MID1: variants seen among roughly 807,000 people sequenced by gnomAD.
MID1 encodes the protein E3 ubiquitin-protein ligase Midline-1.
A neutral mutation model predicts 40.4 loss-of-function variants in MID1; 7 were observed. The observed-to-expected ratio is 0.17, with a 90% CI of 0.10 to 0.33. MID1 has a LOEUF of 0.33. MID1 is among the 10% of genes least tolerant of loss of function. The probability of loss-of-function intolerance (pLI) is 1.00; values close to 1 mark genes in which losing one functional copy is unlikely to be tolerated. For missense variants in MID1, 367 were observed against 558.5 expected (o/e 0.66, Z 3.46); for synonymous variants, 229 against 221.2 (o/e 1.04, Z -0.31).
At chrX:10,711,802 C>T (rs2043269653) in intron 1 of MID1, among the ~76,000 whole-genome samples, 1 of 112,011 alleles carries the variant, frequency 8.9e-6, no homozygotes, top group Admixed American at 9.5e-5. Flanking sequence ...ATTTTAGTGA[C>T]CTGTGAATGA....
At chrX:10,479,556 G>A (rs1462672977) in intron 5 of MID1, among the ~76,000 whole-genome samples, 2 of 110,169 alleles carry the variant, frequency 1.8e-5, no homozygotes, top group Non-Finnish European at 3.8e-5. Flanking sequence ...GAGTTCAATC[G>A]TTTTGATTTT....
At chrX:10,726,967 C>G (rs751110823) in intron 1 of MID1, among the ~76,000 whole-genome samples, 1 of 112,723 alleles carries the variant, frequency 8.9e-6, no homozygotes, top group Non-Finnish European at 1.9e-5. Flanking sequence ...GCAAATATTC[C>G]AAGACTACTT....
At chrX:10,459,092 G>A (rs1417273926) in intron 8 of MID1, among the ~76,000 whole-genome samples, 2 of 110,962 alleles carry the variant, frequency 1.8e-5, no homozygotes, top group Non-Finnish European at 3.8e-5. Flanking sequence ...CATCATCCCT[G>A]GCCTCTACTC....
intron 1 of MID1, among the ~76,000 whole-genome samples, chrX:10,599,697 C>T (rs188889149): frequency 3.6e-5 from 4 of 112,510 alleles, no homozygotes; most frequent in African/African-American, 1.3e-4. Flanking sequence ...TAAAGACCCA[C>T]ATAACAGAAA....
chrX:10,506,411 C>T, intron 3 of MID1: 1 of 934,426 alleles, frequency 1.1e-6, no homozygotes, highest in South Asian at 2.1e-5. Flanking sequence ...TAAAGTGTGA[C>T]TTACCAAGAC....
chrX:10,570,689 T>G (rs1934697224), intron 1 of MID1, among the ~76,000 whole-genome samples: 1 of 112,580 alleles, frequency 8.9e-6, no homozygotes, highest in Admixed American at 9.4e-5. Context: ...TAGTAGACAT[T>G]TTTGGCTTTG....
intron 3 of MID1, among the ~76,000 whole-genome samples, chrX:10,503,879 T>C (rs1352637775): frequency 1.8e-5 from 2 of 112,361 alleles, no homozygotes; most frequent in Non-Finnish European, 3.8e-5. Flanking sequence ...AAATTCTTTC[T>C]TATGAATGAA....
intron 1 of MID1, among the ~76,000 whole-genome samples, chrX:10,618,388 C>T (rs769788177): frequency 1.8e-5 from 2 of 111,775 alleles, no homozygotes; most frequent in African/African-American, 6.5e-5. Context: ...CCATCTCATT[C>T]CTCCCTACAT....
chrX:10,619,243 A>G (rs1053286436), intron 1 of MID1, among the ~76,000 whole-genome samples: 1 of 112,105 alleles, frequency 8.9e-6, no homozygotes, highest in African/African-American at 3.2e-5. Context: ...CTTAAATGGA[A>G]AGCTCACTTC....
chrX:10,638,367 A>G (rs750877784), intron 1 of MID1, among the ~76,000 whole-genome samples: 1 of 112,225 alleles, frequency 8.9e-6, no homozygotes, highest in African/African-American at 3.2e-5. Context: ...TATCCTGCGC[A>G]TGGCTCGGAG....
chrX:10,719,427 T>C (rs1214884563), intron 1 of MID1, among the ~76,000 whole-genome samples: 3 of 111,203 alleles, frequency 2.7e-5, no homozygotes, highest in African/African-American at 9.8e-5. Context: ...AGCCAAATCA[T>C]GAGTGAACTC....
Position 10,652,719 on chromosome X carries a change from G to C in MID1, c.-186-32300C>G, listed in dbSNP as rs113052161. 3.6e-3 allele frequency among the ~76,000 whole-genome samples: 405 copies of C among 111,545 alleles called. 4 individuals carry two copies. Among genetic ancestry groups the C allele is most frequent in the African/African-American group, 0.013 (386 of 30,682 alleles). ...TGACTCCCGCTGCCCTCACCACTCT[G>C]AGGCCCCGTCAGTTCTTCACAGACG... On this transcript the variant is annotated intron_variant, in intron 1 of 10. Coordinates refer to the MID1 transcript ENST00000380785.
chrX:10,765,996 A>AAAGG (rs2043725084), intron 1 of MID1, among the ~76,000 whole-genome samples: 1 of 109,110 alleles, frequency 9.2e-6, no homozygotes, highest in Non-Finnish European at 1.9e-5. Context: ...AGAAAGAAAG[A>AAAGG]AAGAAAGAAA....
chrX:10,492,301 G>C (rs1930993918), intron 4 of MID1, among the ~76,000 whole-genome samples: 1 of 111,523 alleles, frequency 9.0e-6, no homozygotes, highest in South Asian at 3.8e-4. Flanking sequence ...TATATACTTT[G>C]AAATTAAACT....
At chrX:10,469,670 G>A in intron 7 of MID1, 27 bp downstream of exon 7, 1 of 1,211,578 alleles carries the variant, frequency 8.3e-7, no homozygotes. Flanking sequence ...ACCAAAGACA[G>A]AAATAAATAG....
At chrX:10,828,330 G>T (rs1367873509) in intron 1 of MID1, among the ~76,000 whole-genome samples, 1 of 111,361 alleles carries the variant, frequency 9.0e-6, no homozygotes, top group Admixed American at 9.6e-5. Context: ...GTTACATTCT[G>T]CTGGGGTAGG....
At chrX:10,741,432 A>G (rs1258383647) in intron 1 of MID1, among the ~76,000 whole-genome samples, 1 of 108,839 alleles carries the variant, frequency 9.2e-6, no homozygotes, top group Non-Finnish European at 1.9e-5. Context: ...ATAACAACAC[A>G]GGACGAGGGC....
chrX:10,600,553 A>G (rs972912120), intron 1 of MID1, among the ~76,000 whole-genome samples: 4 of 111,621 alleles, frequency 3.6e-5, no homozygotes, highest in African/African-American at 9.8e-5. Context: ...AAATAAACCC[A>G]GAAAGTGTCA....
intron 1 of MID1, among the ~76,000 whole-genome samples, chrX:10,579,528 T>G (rs768591345): frequency 8.9e-6 from 1 of 111,910 alleles, no homozygotes; most frequent in Non-Finnish European, 1.9e-5. Flanking sequence ...GACGATGTTA[T>G]AGAGTAACTG....
Sources: allele counts gnomAD v4.1 joint callset (sites outside exome capture counted in the v4.1 genomes callset), GRCh38; gene constraint gnomAD v4.1.1; transcripts MANE v1.5; gene names NCBI Gene and HGNC (gene_info 2026-07-23, HGNC 2026-07-21).